USP44: variants seen among roughly 807,000 people sequenced by gnomAD.
USP44 encodes the protein ubiquitin carboxyl-terminal hydrolase 44.
Under a neutral mutation model 69.0 loss-of-function variants are expected in USP44, and 61 were observed. That is an observed-to-expected ratio of 0.88 (90% CI 0.72 to 1.09). The LOEUF is 1.09. USP44 is among the 50% of genes least tolerant of loss of function. USP44 has a pLI of 0.00. For missense variants in USP44, 753 were observed against 849.9 expected, an observed-to-expected ratio of 0.89 and a Z score of 1.42; for synonymous variants, 297 against 295.4, an observed-to-expected ratio of 1.01 and a Z score of -0.06.
rs1388722656 is a variant in USP44 at position 95,517,051 on chromosome 12, TCA to T, written c.*1101_*1102del. Reference sequence around the variant, plus strand: ...TTATCAGAAGAAGAAAAAGAGTGACTCACACTGTATTTTTTTTTGTGCAAGTT... The same window carrying T: ...TTATCAGAAGAAGAAAAAGAGTGACTCACTGTATTTTTTTTTGTGCAAGTT... On this transcript the variant is annotated 3_prime_UTR_variant, in exon 6 of 6. Coordinates refer to ENST00000258499, the MANE Select transcript of USP44 (RefSeq NM_032147.5). 2 of 149,848 alleles carry T rather than the reference TCA, an allele frequency of 1.3e-5. No homozygotes were observed. The highest frequency in any genetic ancestry group is 2.5e-5 in the African/African-American group (1 of 40,106). 9.3% of individuals were successfully genotyped at this position (149,848 alleles called of 1,614,324 possible).
At position 95,533,470 on chromosome 12, in the gene USP44, T is replaced by G. The variant is rs2077092555; in HGVS notation, c.787A>C (p.Lys263Gln). ...CCAGGAGTTACTATTGGCCTTCGTT[T>G]AACTGAGGAGTCACTGACTTTTTGA... ...ISQKVSDSSV[K>Q]RRPIVTPGVT... Residue 263 changes from lysine (K) to glutamine (Q), a missense_variant, in exon 2 of 6, where the codon AAA (lysine) becomes CAA (glutamine). Transcript: ENST00000258499. The G allele has an allele frequency of 6.2e-7, 1 of 1,614,226 alleles. No homozygotes were observed. Among genetic ancestry groups the G allele is most frequent in the Non-Finnish European group, 8.5e-7 (1 of 1,180,028 alleles).
At chr12:95,537,531 C>A (rs930792026) in intron 1 of USP44, among the ~76,000 whole-genome samples, 5 of 152,032 alleles carry the variant, frequency 3.3e-5, no homozygotes, top group Non-Finnish European at 5.9e-5. Context: ...GTTGGCCAGG[C>A]TAGTCTTGAG....
At chr12:95,529,459 T>C (rs917063272) in intron 2 of USP44, among the ~76,000 whole-genome samples, 1 of 151,946 alleles carries the variant, frequency 6.6e-6, no homozygotes, top group East Asian at 1.9e-4. Flanking sequence ...AGTCTCGCTC[T>C]GTCCCCAGTG....
chr12:95,537,306 A>T (rs1255596942), intron 1 of USP44, among the ~76,000 whole-genome samples: 1 of 152,128 alleles, frequency 6.6e-6, no homozygotes, highest in African/African-American at 2.4e-5. Context: ...GGCAAACCAT[A>T]GAAAATAATT....
At chr12:95,520,307 A>G (rs2076618817) in intron 5 of USP44, among the ~76,000 whole-genome samples, 3 of 152,046 alleles carry the variant, frequency 2.0e-5, no homozygotes, top group Admixed American at 2.0e-4. Flanking sequence ...CCTGGCTAAC[A>G]TGGTGAAACC....
At chr12:95,518,935 T>TA (rs58213611) in intron 5 of USP44, among the ~76,000 whole-genome samples, 95,751 of 149,704 alleles carry the variant, frequency 0.64, 31,516 homozygotes, top group African/African-American at 0.81. Flanking sequence ...GGGACTGTCT[T>TA]AAAAAAAAAA....
chr12:95,517,038 GAAAAA>G lies in USP44; in HGVS notation c.*1111_*1115del, dbSNP rs1306674040. 1 of 146,560 alleles carries G rather than the reference GAAAAA, an allele frequency of 6.8e-6. No homozygotes were observed. Among genetic ancestry groups the G allele is most frequent in the Non-Finnish European group, 1.5e-5 (1 of 67,002 alleles). The allele number at this position is 146,560 out of a possible 1,614,324, so 9.1% of individuals were successfully genotyped here. On this transcript the variant is annotated 3_prime_UTR_variant, in exon 6 of 6. Coordinates refer to ENST00000258499, the MANE Select transcript of USP44 (RefSeq NM_032147.5). ...AAACCCAGTGAGATTATCAGAAGAA[GAAAAA>G]GAGTGACTCACACTGTATTTTTTTT...
At chr12:95,544,989 C>T (rs763706277) in intron 1 of USP44, among the ~76,000 whole-genome samples, 1 of 152,146 alleles carries the variant, frequency 6.6e-6, no homozygotes, top group African/African-American at 2.4e-5. Context: ...AACTTCTTAA[C>T]ATGGCACATA....
In USP44 at chr12:95,534,141, C is replaced by A. The variant is rs1254159974; in HGVS notation, c.116G>T (p.Trp39Leu). Reference sequence around the variant, plus strand: ...AACATGGGAGCAGCTAAGGCAAGCCCAAATGGACTCGGTCGTGTTGCAGTC... The same window carrying A: ...AACATGGGAGCAGCTAAGGCAAGCCAAAATGGACTCGGTCGTGTTGCAGTC... ...CVDCNTTESIWACLSCSHVAC... is the reference protein window; with the variant it reads ...CVDCNTTESILACLSCSHVAC... The change falls in exon 2 of 6, where the codon TGG becomes TTG. Residue 39 changes from tryptophan to leucine, a missense_variant. Physicochemically the swap from Trp to Leu is moderately conservative, Grantham distance 61 (BLOSUM62 -2). Transcript: ENST00000258499. 2.5e-6 allele frequency: 4 copies of A among 1,614,090 alleles called. No individual in the cohort carries two copies. In the East Asian group the frequency reaches 8.9e-5, roughly 36 times the overall value.
chr12:95,537,538 T>C (rs1449224901), intron 1 of USP44, among the ~76,000 whole-genome samples: 1 of 152,092 alleles, frequency 6.6e-6, no homozygotes, highest in Admixed American at 6.5e-5. Context: ...AGGCTAGTCT[T>C]GAGCTCCCGA....
intron 3 of USP44, 129 bp from the exon 4 acceptor site, chr12:95,524,917 A>G: frequency 1.2e-6 from 1 of 800,544 alleles, no homozygotes. Context: ...GTACTGTGCT[A>G]GAGATAGACA....
At chr12:95,536,715 C>T (rs1220049579) in intron 1 of USP44, among the ~76,000 whole-genome samples, 1 of 152,172 alleles carries the variant, frequency 6.6e-6, no homozygotes, top group South Asian at 2.1e-4. Flanking sequence ...GATGGTCTCT[C>T]CACTTCTGTC....
intron 4 of USP44, among the ~76,000 whole-genome samples, chr12:95,524,319 T>C (rs995565418): frequency 1.3e-5 from 2 of 151,526 alleles, no homozygotes; most frequent in African/African-American, 4.8e-5. Context: ...TAACCTCAGG[T>C]GATCCACCTG....
At position 95,534,294 on chromosome 12, in the gene USP44, G is replaced by A; in HGVS notation, c.-38C>T. 6.4e-7 allele frequency: 1 copy of A among 1,559,678 alleles called. No individual in the cohort carries two copies. The highest frequency in any genetic ancestry group is 1.2e-5 in the South Asian group (1 of 83,712). On this transcript the variant is annotated 5_prime_UTR_variant, in exon 2 of 6. Transcript: ENST00000258499. ...GCTGAGAAATGCATAATCCAAACAA[G>A]TCTCTGTTCACAACACTTGAAGCAT...
chr12:95,522,137 T>C (rs2076686472), intron 4 of USP44: 1 of 981,758 alleles, frequency 1.0e-6, no homozygotes, highest in Non-Finnish European at 1.2e-6. Context: ...GAAAATAATG[T>C]AACATGGTAG....
chr12:95,531,704 TTAGGAAAG>T (rs2077025375), intron 2 of USP44, among the ~76,000 whole-genome samples: 1 of 152,192 alleles, frequency 6.6e-6, no homozygotes. Context: ...AAACAACATT[TTAGGAAAG>T]TATGCTATAA....
At chr12:95,550,520 A>T (rs976126093) in intron 1 of USP44, among the ~76,000 whole-genome samples, 1 of 152,240 alleles carries the variant, frequency 6.6e-6, no homozygotes, top group African/African-American at 2.4e-5. Context: ...CATTAAAAGC[A>T]TTACATGAGG....
Position 95,524,612 on chromosome 12 carries a change from C to A in USP44, c.1733+68G>T, listed in dbSNP as rs563258926. On this transcript the variant is annotated intron_variant, in intron 4 of 5. Coordinates refer to ENST00000258499, the MANE Select transcript of USP44 (RefSeq NM_032147.5). Reference sequence around the variant, plus strand: ...AGTAAGGGGAAAAAATTATAACATGCATTCTTTAAGTTTTGAAGCATTATA... The same window carrying A: ...AGTAAGGGGAAAAAATTATAACATGAATTCTTTAAGTTTTGAAGCATTATA... The A allele has an allele frequency of 6.2e-4, 736 of 1,186,048 alleles. 3 individuals are homozygous for A. Among genetic ancestry groups the A allele is most frequent in the Non-Finnish European group, 8.0e-4 (677 of 850,858 alleles). The allele number at this position is 1,186,048 out of a possible 1,614,324, so 73.5% of individuals were successfully genotyped here. A position where few individuals can be genotyped will look rare whatever the true frequency, so the allele number is the denominator to read the frequency against.
intron 4 of USP44, among the ~76,000 whole-genome samples, chr12:95,522,887 G>A (rs2076712954): frequency 6.6e-6 from 1 of 151,840 alleles, no homozygotes; most frequent in Non-Finnish European, 1.5e-5. Flanking sequence ...GGAAAGACCC[G>A]GGAATGACTA....
Sources: gnomAD v4.1 joint callset for allele counts (sites outside exome capture counted in the v4.1 genomes callset) on GRCh38, gnomAD v4.1.1 for gene constraint, MANE v1.5 for transcripts, NCBI Gene and HGNC (gene_info 2026-07-23, HGNC 2026-07-21) for gene names.